Variants in MUC17 observed in about 807,000 individuals in gnomAD.
The protein encoded by MUC17 is mucin 17, cell surface associated.
In MUC17, 190 loss-of-function variants were observed where a neutral mutation model predicts 170.3. The ratio of observed to expected loss-of-function variants is 1.12; its 90% CI spans 0.99 to 1.26. MUC17 has a LOEUF of 1.26. MUC17 is among the 50% of genes most tolerant of loss of function. MUC17 has a pLI of 0.00. For missense variants in MUC17, 6,415 were observed against 5,530.0 expected, an observed-to-expected ratio of 1.16 and a Z score of -5.08; for synonymous variants, 2,325 against 2,002.5, an observed-to-expected ratio of 1.16 and a Z score of -4.30.
intron 3 of MUC17, among the ~76,000 whole-genome samples, chr7:101,044,806 A>G (rs550764750): frequency 6.6e-6 from 1 of 151,912 alleles, no homozygotes; most frequent in Non-Finnish European, 1.5e-5. Context: ...TTTTTTTTGC[A>G]GAAGGTTTTT....
At chr7:101,053,183 C>T (rs373725573) in intron 10 of MUC17, 36 bp downstream of exon 10, 4 of 1,603,476 alleles carry the variant, frequency 2.5e-6, no homozygotes, top group Non-Finnish European at 2.6e-6. Flanking sequence ...TTCCAACTCC[C>T]TCCAGCTCCT....
rs78879527 is a variant in MUC17, at chr7:101,039,755, T to C, written c.8339T>C (p.Ile2780Thr). ...TVSTTAVDTSIPVTTSTEASS... is the reference protein window; with the variant it reads ...TVSTTAVDTSTPVTTSTEASS... ...TCAACAACTGCTGTTGACACCAGCA[T>C]ACCTGTCACCACTTCTACTGAAGCC... The change falls in exon 3 of 13, where the codon ATA (isoleucine) becomes ACA (threonine). Residue 2780 changes from isoleucine to threonine, a missense_variant. By Grantham distance (89) the Ile-to-Thr change is moderately conservative. Coordinates refer to ENST00000306151, the MANE Select transcript of MUC17 (RefSeq NM_001040105.2). 0.041 allele frequency: 56,615 copies of C among 1,396,588 alleles called. No homozygotes were observed. Among genetic ancestry groups the C allele is most frequent in the African/African-American group, 0.088 (4,973 of 56,596 alleles). The allele number at this position is 1,396,588 out of a possible 1,614,324, so 86.5% of individuals were successfully genotyped here.
rs1794444658 is a variant in MUC17, at chr7:101,035,521, A to G, written c.4105A>G (p.Thr1369Ala). The change falls in exon 3 of 13, where the codon ACC becomes GCC. Residue 1369 changes from threonine (T) to alanine (A), a missense_variant. Transcript: ENST00000306151. ...TTPVDNSTPV[T>A]TSTEACSSPT... ...TCCTGTTGACAACAGCACACCTGTGACCACTTCTACTGAAGCCTGTTCATC... is the reference window on the plus strand; with the variant it reads ...TCCTGTTGACAACAGCACACCTGTGGCCACTTCTACTGAAGCCTGTTCATC... The G allele has an allele frequency of 6.3e-7, 1 of 1,596,332 alleles. No homozygotes were observed. Among genetic ancestry groups the G allele is most frequent in the African/African-American group, 1.4e-5 (1 of 73,716 alleles).
chr7:101,034,346 C>A lies in MUC17; in HGVS notation c.2930C>A (p.Thr977Asn). 1.2e-6 allele frequency: 2 copies of A among 1,608,718 alleles called. No individual in the cohort carries two copies. The highest frequency in any genetic ancestry group is 1.7e-6 in the Non-Finnish European group (2 of 1,177,700). ...GAAGGTACCAGCATACCAACCTCGA[C>A]TCCTAGTGAAGGAACGACTCCATTA... is the stretch of plus-strand genomic sequence containing the variant. Reference protein sequence around the residue: ...TAEGTSIPTSTPSEGTTPLTS... With the variant: ...TAEGTSIPTSNPSEGTTPLTS... The change falls in exon 3 of 13, where the codon ACT (threonine) becomes AAT (asparagine). Residue 977 changes from threonine to asparagine, a missense_variant. Physicochemically the swap from Thr to Asn is moderately conservative, Grantham distance 65 (BLOSUM62 0). Coordinates refer to ENST00000306151, the MANE Select transcript of MUC17 (RefSeq NM_001040105.2).
In MUC17 at chr7:101,058,183, G is replaced by T; in HGVS notation, c.*139G>T. ...GGAAACAAGCCCTGTACTTACCAAGGAGAAAGAGGAGAGACAGCAGTGCTG... is the reference window on the plus strand; with the variant it reads ...GGAAACAAGCCCTGTACTTACCAAGTAGAAAGAGGAGAGACAGCAGTGCTG... On this transcript the variant is annotated 3_prime_UTR_variant, in exon 13 of 13. Coordinates refer to ENST00000306151, the MANE Select transcript of MUC17 (RefSeq NM_001040105.2). 1.5e-6 allele frequency: 1 copy of T among 670,660 alleles called. No individual in the cohort carries two copies. The highest frequency in any genetic ancestry group is 2.7e-5 in the East Asian group (1 of 36,396). The allele number at this position is 670,660 out of a possible 1,614,324, so 41.5% of individuals were successfully genotyped here.
At chr7:101,024,412 G>A (rs1794145722) in intron 1 of MUC17, among the ~76,000 whole-genome samples, 1 of 149,386 alleles carries the variant, frequency 6.7e-6, no homozygotes, top group South Asian at 2.1e-4. Context: ...AAAAAAAAAA[G>A]AAAAAGAAGA....
chr7:101,054,057 C>CAAAAAAAAAAAAAAAA (rs58623975), intron 11 of MUC17, among the ~76,000 whole-genome samples: 3 of 40,382 alleles, frequency 7.4e-5, no homozygotes, highest in African/African-American at 1.7e-4. Flanking sequence ...AAGACCCTGT[C>CAAAAAAAAAAAAAAAA]AAAAAAAAAA....
At position 101,036,788 on chromosome 7, in the gene MUC17, C is replaced by T; in HGVS notation, c.5372C>T (p.Thr1791Ile). Residue 1791 changes from threonine to isoleucine, a missense_variant, in exon 3 of 13, where the codon ACA becomes ATA. By Grantham distance (89) the Thr-to-Ile change is moderately conservative. Coordinates refer to ENST00000306151, the MANE Select transcript of MUC17 (RefSeq NM_001040105.2). ...TCTACTGAAGCCACTTCGTCTCCTA[C>T]AACTGCTGAAGGTACCAGCATACCA... ...TTSTEATSSP[T>I]TAEGTSIPTS... is the part of the protein sequence containing the mutation. 1 of 1,606,288 alleles carries T rather than the reference C, an allele frequency of 6.2e-7. No individual in the cohort carries two copies.
chr7:101,049,542 A>G (rs1794900047), intron 6 of MUC17, among the ~76,000 whole-genome samples, 160 bp downstream of exon 6: 1 of 152,136 alleles, frequency 6.6e-6, no homozygotes, highest in Non-Finnish European at 1.5e-5. Context: ...TATTTCTCCC[A>G]GTTCTAGGGG....
chr7:101,032,398 A>G lies in MUC17; in HGVS notation c.982A>G (p.Thr328Ala). Residue 328 changes from threonine (T) to alanine (A), a missense_variant, in exon 3 of 13, where the codon ACT becomes GCT. By Grantham distance (58) the Thr-to-Ala change is moderately conservative (BLOSUM62 0). Coordinates refer to ENST00000306151, the MANE Select transcript of MUC17 (RefSeq NM_001040105.2). Reference protein sequence around the residue: ...TAEGTSIPTSTYTEGSTPLTS... With the variant: ...TAEGTSIPTSAYTEGSTPLTS... ...TGAAGGCACCAGCATACCAACCTCAACTTATACTGAAGGAAGCACTCCATT... is the reference window on the plus strand; with the variant it reads ...TGAAGGCACCAGCATACCAACCTCAGCTTATACTGAAGGAAGCACTCCATT... The G allele has an allele frequency of 6.2e-7, 1 of 1,612,744 alleles. No homozygotes were observed.
Position 101,040,401 on chromosome 7 carries a change from C to T in MUC17, c.8985C>T (p.Ser2995=). 6.2e-7 allele frequency: 1 copy of T among 1,612,778 alleles called. No homozygotes were observed. Among genetic ancestry groups the T allele is most frequent in the Non-Finnish European group, 8.5e-7 (1 of 1,179,502 alleles). The stretch of plus-strand genomic sequence containing the variant: ...CTCCATTAACAAGTATGTCTGTCAG[C>T]ACCATGCCGGTGGCCAGTTCTGAGG... The part of the protein sequence containing the change: ...RRTPLTSMSV[S]TMPVASSEAS... The change falls in exon 3 of 13, where the codon AGC becomes AGT. Residue 2995 remains serine, a synonymous_variant. Coordinates refer to ENST00000306151, the MANE Select transcript of MUC17 (RefSeq NM_001040105.2).
chr7:101,035,848 ACTC>A lies in MUC17; in HGVS notation c.4435_4437del (p.Pro1479del). 2 of 1,597,780 alleles carry A rather than the reference ACTC, an allele frequency of 1.3e-6. No homozygotes were observed. The highest frequency in any genetic ancestry group is 1.7e-6 in the Non-Finnish European group (2 of 1,170,452). On this transcript the variant is annotated inframe_deletion, in exon 3 of 13. Transcript: ENST00000306151. ...TTCTGAGGCTAGCACCCTTTCAACA[ACTC>A]CTGTTGACTCTAACAGTCCTGTGGT...
rs1382303421 is a variant in MUC17 at position 101,033,869 on chromosome 7, T to C, written c.2453T>C (p.Val818Ala). 1 of 1,613,454 alleles carries C rather than the reference T, an allele frequency of 6.2e-7. No homozygotes were observed. The highest frequency in any genetic ancestry group is 8.5e-7 in the Non-Finnish European group (1 of 1,179,824). The change falls in exon 3 of 13, where the codon GTG (valine) becomes GCG (alanine). Residue 818 changes from valine (V) to alanine (A), a missense_variant. Val to Ala is a moderately conservative substitution (Grantham distance 64). Coordinates refer to ENST00000306151, the MANE Select transcript of MUC17 (RefSeq NM_001040105.2). ...LTSIPVSITP[V>A]TSPEASTLST... is the part of the protein sequence containing the mutation. ...AGTATACCTGTCAGCATCACACCGG[T>C]GACCAGTCCTGAGGCTAGCACCCTT...
In MUC17 at chr7:101,040,937, T is replaced by C. The variant is rs140193111; in HGVS notation, c.9521T>C (p.Met3174Thr). ...TPLTYMPVST[M>T]LVVSSEDSTL... Reference sequence around the variant, plus strand: ...TTAACATATATGCCTGTCAGCACCATGCTGGTAGTCAGTTCTGAGGATAGC... The same window carrying C: ...TTAACATATATGCCTGTCAGCACCACGCTGGTAGTCAGTTCTGAGGATAGC... Residue 3174 changes from methionine (M) to threonine (T), a missense_variant, in exon 3 of 13, where the codon ATG becomes ACG. By Grantham distance (81) the Met-to-Thr change is moderately conservative. Coordinates refer to ENST00000306151, the MANE Select transcript of MUC17 (RefSeq NM_001040105.2). 2.7e-4 allele frequency: 428 copies of C among 1,603,390 alleles called. 1 individual carries two copies. In the African/African-American group the frequency reaches 5.4e-3, roughly 20 times the overall value.
At position 101,036,093 on chromosome 7, in the gene MUC17, C is replaced by T. The variant is rs77488581; in HGVS notation, c.4677C>T (p.Asp1559=). ...SQASSSPTTA[D]GTSMQTSTYS... is the part of the protein sequence containing the mutation. ...CCAGTTCATCTCCTACAACTGCTGA[C>T]GGTACCAGCATGCAAACCTCAACTT... The change falls in exon 3 of 13, where the codon GAC becomes GAT. Residue 1559 remains aspartate (D), a synonymous_variant. Coordinates refer to ENST00000306151, the MANE Select transcript of MUC17 (RefSeq NM_001040105.2). The T allele has an allele frequency of 0.02, 32,806 of 1,611,060 alleles. 447 individuals carry two copies. Among genetic ancestry groups the T allele is most frequent in the East Asian group, 0.16 (6,965 of 44,690 alleles).
chr7:101,032,708 G>A lies in MUC17; in HGVS notation c.1292G>A (p.Ser431Asn). ...TTTGTGACCACTGCTAGTGAAGCCAGCTCATCTCCCACAACTGCTGAAGAT... is the reference window on the plus strand; with the variant it reads ...TTTGTGACCACTGCTAGTGAAGCCAACTCATCTCCCACAACTGCTGAAGAT... ...KTFVTTASEA[S>N]SSPTTAEDTS... The change falls in exon 3 of 13, where the codon AGC (serine) becomes AAC (asparagine). Residue 431 changes from serine to asparagine, a missense_variant. Physicochemically the swap from Ser to Asn is conservative, Grantham distance 46 (BLOSUM62 1). Coordinates refer to ENST00000306151, the MANE Select transcript of MUC17 (RefSeq NM_001040105.2). 1 of 1,577,056 alleles carries A rather than the reference G, an allele frequency of 6.3e-7. No individual in the cohort carries two copies. Among genetic ancestry groups the A allele is most frequent in the Admixed American group, 1.7e-5 (1 of 57,864 alleles).
At position 101,038,889 on chromosome 7, in the gene MUC17, T is replaced by G. The variant is rs778126670; in HGVS notation, c.7473T>G (p.Thr2491=). 2 of 1,614,094 alleles carry G rather than the reference T, an allele frequency of 1.2e-6. No individual in the cohort carries two copies. Among genetic ancestry groups the G allele is most frequent in the South Asian group, 2.2e-5 (2 of 91,082 alleles). Residue 2491 remains threonine, a synonymous_variant, in exon 3 of 13, where the codon ACT becomes ACG. Transcript: ENST00000306151. ...VDTSTPMTTS[T]EASSSPTTAE... is the part of the protein sequence containing the mutation. ...CCAGCACACCTATGACCACTTCTAC[T>G]GAAGCCAGTTCATCTCCTACAACTG...
chr7:101,057,973 G>A (rs1362525013), intron 12 of MUC17, 30 bp from the exon 13 acceptor site: 1 of 1,610,660 alleles, frequency 6.2e-7, no homozygotes, highest in South Asian at 1.1e-5. Flanking sequence ...CATGGGCTGA[G>A]CCCTCACTTG....
chr7:101,028,035 AGTGCTG>A (rs1307815738), intron 1 of MUC17, among the ~76,000 whole-genome samples: 3 of 150,420 alleles, frequency 2.0e-5, no homozygotes, highest in Non-Finnish European at 4.4e-5. Context: ...GGCTTCCCAA[AGTGCTG>A]GGATTACAGG....
Sources: allele counts gnomAD v4.1 joint callset (sites outside exome capture counted in the v4.1 genomes callset), GRCh38; gene constraint gnomAD v4.1.1; transcripts MANE v1.5; gene names NCBI Gene and HGNC (gene_info 2026-07-23, HGNC 2026-07-21).